RTN1: variants seen among roughly 807,000 people sequenced by gnomAD.
RTN1 encodes the protein reticulon 1, also known as reticulon-1.
In RTN1, 25 loss-of-function variants were observed where a neutral mutation model predicts 65.5. The observed-to-expected ratio is 0.38, with a 90% CI of 0.28 to 0.53. The LOEUF is 0.53. Among genes scored for constraint, RTN1 ranks in the 20% least tolerant of loss-of-function variants. RTN1 has a pLI of 0.79. For synonymous variants in RTN1, 471 were observed against 447.6 expected (o/e 1.05, Z -0.66); for missense variants, 983 against 1,025.4 (o/e 0.96, Z 0.57).
intron 1 of RTN1, among the ~76,000 whole-genome samples, chr14:59,798,505 C>T (rs992682351): frequency 1.3e-4 from 20 of 152,130 alleles, no homozygotes; most frequent in African/African-American, 4.6e-4. Context: ...GAAAAAGTAG[C>T]TGCCTACATT....
rs79831293 is a variant in RTN1, at chr14:59,626,095, C to T, written c.1766-18603G>A. ...GATTTTCATAAAAGGTGATATTAGT[C>T]TGCCTTTATGTATATGTGTAAAATG... On this transcript the variant is annotated intron_variant, in intron 3 of 8. Coordinates refer to ENST00000267484, the MANE Select transcript of RTN1 (RefSeq NM_021136.3). Among the ~76,000 whole-genome samples the T allele has an allele frequency of 4.1e-3, 621 of 152,216 alleles. 2 individuals carry two copies. Among genetic ancestry groups the T allele is most frequent in the African/African-American group, 0.014 (592 of 41,528 alleles).
At chr14:59,797,165 G>C (rs1886455566) in intron 1 of RTN1, among the ~76,000 whole-genome samples, 1 of 152,130 alleles carries the variant, frequency 6.6e-6, no homozygotes, top group African/African-American at 2.4e-5. Context: ...AGCAGTTTGA[G>C]CTTCTTATTC....
At chr14:59,862,586 T>C (rs943516496) in intron 1 of RTN1, among the ~76,000 whole-genome samples, 2 of 152,206 alleles carry the variant, frequency 1.3e-5, no homozygotes, top group Non-Finnish European at 2.9e-5. Flanking sequence ...CTATGCTTCA[T>C]TCCTCCTCAG....
intron 3 of RTN1, among the ~76,000 whole-genome samples, chr14:59,684,980 T>C (rs1004218742): frequency 4.6e-5 from 7 of 152,162 alleles, no homozygotes; most frequent in Admixed American, 2.0e-4. Flanking sequence ...CTTTATCCCA[T>C]GATCAAGTGG....
chr14:59,816,752 G>A lies in RTN1; in HGVS notation c.241+53638C>T, dbSNP rs1197098273. Among the ~76,000 whole-genome samples the A allele has an allele frequency of 6.6e-6, 1 of 152,042 alleles. No homozygotes were observed. Among genetic ancestry groups the A allele is most frequent in the African/African-American group, 2.4e-5 (1 of 41,388 alleles). ...AGTTCAAGGTCAGCCTGGGCAACAT[G>A]GCAAAATCCCACCTCTACAAAAAAT... On this transcript the variant is annotated intron_variant, in intron 1 of 8. Transcript: ENST00000267484. This position sits in a 1 kb window ranked among gnomAD's most constrained non-coding sequence, Gnocchi z 4.3.
At position 59,849,871 on chromosome 14, in the gene RTN1, T is replaced by A. The variant is rs1361697636; in HGVS notation, c.241+20519A>T. ...TTCTTCATAAATCCATTCCTTTTTT[T>A]ACTTTTGCTTCCTCAAAGGGCTTCC... On this transcript the variant is annotated intron_variant, in intron 1 of 8. Coordinates refer to ENST00000267484, the MANE Select transcript of RTN1 (RefSeq NM_021136.3). The surrounding 1 kb of genome is among the most constrained non-coding windows in gnomAD (Gnocchi z 4.5). Among the ~76,000 whole-genome samples the A allele has an allele frequency of 6.6e-6, 1 of 152,242 alleles. No homozygotes were observed. Among genetic ancestry groups the A allele is most frequent in the Non-Finnish European group, 1.5e-5 (1 of 68,044 alleles).
rs1297481347 is a variant in RTN1, at chr14:59,766,129, C to T, written c.242-19648G>A. On this transcript the variant is annotated intron_variant, in intron 1 of 8. Coordinates refer to ENST00000267484, the MANE Select transcript of RTN1 (RefSeq NM_021136.3). This position sits in a 1 kb window ranked among gnomAD's most constrained non-coding sequence, Gnocchi z 4.4. Reference sequence around the variant, plus strand: ...CTTGTAGTCCCAGCTACTTGGGAGGCTGAGGCAGGACTATTGCTTGAACCC... The same window carrying T: ...CTTGTAGTCCCAGCTACTTGGGAGGTTGAGGCAGGACTATTGCTTGAACCC... Among the ~76,000 whole-genome samples the T allele has an allele frequency of 1.3e-5, 2 of 152,038 alleles. No individual in the cohort carries two copies. The highest frequency in any genetic ancestry group is 3.9e-4 in the East Asian group (2 of 5,172).
rs1428197618 is a variant in RTN1 at position 59,689,250 on chromosome 14, C to T, written c.1765+37669G>A. ...GACCAGTCTTTTTAACTAACACAGT[C>T]AGACAAAAATAAAAAAGGTAATTTT... On this transcript the variant is annotated intron_variant, in intron 3 of 8. Coordinates refer to ENST00000267484, the MANE Select transcript of RTN1 (RefSeq NM_021136.3). 2.6e-5 allele frequency among the ~76,000 whole-genome samples: 4 copies of T among 152,118 alleles called. 1 individual carries two copies. In the East Asian group the frequency reaches 7.7e-4, roughly 29 times the overall value.
chr14:59,847,161 G>A (rs1163320382), intron 1 of RTN1, among the ~76,000 whole-genome samples: 2 of 152,122 alleles, frequency 1.3e-5, no homozygotes. Context: ...TGTAGATCAT[G>A]TACATACTTC....
intron 3 of RTN1, among the ~76,000 whole-genome samples, chr14:59,639,523 CT>C (rs1458257106): frequency 6.6e-6 from 1 of 152,104 alleles, no homozygotes; most frequent in Non-Finnish European, 1.5e-5. Flanking sequence ...GTACTTTTAT[CT>C]CTTTTACCTT....
chr14:59,762,069 GTGTGC>G (rs1289068967), intron 1 of RTN1, among the ~76,000 whole-genome samples: 1 of 152,210 alleles, frequency 6.6e-6, no homozygotes, highest in Non-Finnish European at 1.5e-5. Flanking sequence ...AGTAGGGTGT[GTGTGC>G]TGTGCTGTGG....
intron 3 of RTN1, among the ~76,000 whole-genome samples, chr14:59,720,249 T>C (rs542477162): frequency 8.2e-6 from 1 of 122,042 alleles, no homozygotes; most frequent in South Asian, 2.3e-4. Context: ...GAAGCCACCA[T>C]TTTAAAAAAA....
At chr14:59,607,946 G>A (rs1009853400) in intron 3 of RTN1, among the ~76,000 whole-genome samples, 30 of 151,192 alleles carry the variant, frequency 2.0e-4, no homozygotes, top group African/African-American at 7.0e-4. Flanking sequence ...CTGACATGTG[G>A]ACTAAACCAT....
intron 1 of RTN1, among the ~76,000 whole-genome samples, chr14:59,840,721 T>C (rs963847586): frequency 6.6e-6 from 1 of 152,232 alleles, no homozygotes; most frequent in African/African-American, 2.4e-5. Context: ...GGATGTGCCC[T>C]TTTGGGGAAC....
At position 59,816,826 on chromosome 14, in the gene RTN1, G is replaced by A. The variant is rs373374111; in HGVS notation, c.241+53564C>T. The stretch of plus-strand genomic sequence containing the variant: ...CATGTGCCTGTGGTCCCAGCTACTC[G>A]GGAGGCTAAGGTGGGAGGATCACCT... On this transcript the variant is annotated intron_variant, in intron 1 of 8. Coordinates refer to ENST00000267484, the MANE Select transcript of RTN1 (RefSeq NM_021136.3). This position sits in a 1 kb window ranked among gnomAD's most constrained non-coding sequence, Gnocchi z 4.3. Among the ~76,000 whole-genome samples the A allele has an allele frequency of 5.9e-4, 90 of 152,206 alleles. 2 individuals carry two copies. In the South Asian group the frequency reaches 0.018, roughly 30 times the overall value.
intron 2 of RTN1, among the ~76,000 whole-genome samples, chr14:59,742,311 T>C (rs184079781): frequency 6.6e-6 from 1 of 152,350 alleles, no homozygotes; most frequent in African/African-American, 2.4e-5. Context: ...AGGACCATCA[T>C]AATATCCCTC....
intron 1 of RTN1, among the ~76,000 whole-genome samples, chr14:59,856,046 T>C (rs1194925261): frequency 6.6e-6 from 1 of 152,240 alleles, no homozygotes; most frequent in Admixed American, 6.5e-5. Context: ...CATTTCCTGC[T>C]TGTTGGCTTC....
rs963880588 is a variant in RTN1, at chr14:59,849,908, T to C, written c.241+20482A>G. Reference sequence around the variant, plus strand: ...CTCAAAGGGCTTCCCCCTCTCTGTGTACTTCTCTGTTAACTCTCTTTCCTG... The same window carrying C: ...CTCAAAGGGCTTCCCCCTCTCTGTGCACTTCTCTGTTAACTCTCTTTCCTG... On this transcript the variant is annotated intron_variant, in intron 1 of 8. Coordinates refer to ENST00000267484, the MANE Select transcript of RTN1 (RefSeq NM_021136.3). The surrounding 1 kb of genome is among the most constrained non-coding windows in gnomAD (Gnocchi z 4.5). 1.3e-5 allele frequency among the ~76,000 whole-genome samples: 2 copies of C among 152,182 alleles called. No individual in the cohort carries two copies. Among genetic ancestry groups the C allele is most frequent in the Non-Finnish European group, 2.9e-5 (2 of 68,038 alleles).
chr14:59,857,005 A>G (rs1019044616), intron 1 of RTN1, among the ~76,000 whole-genome samples: 4 of 152,214 alleles, frequency 2.6e-5, no homozygotes, highest in Non-Finnish European at 5.9e-5. Context: ...GATATTAGGT[A>G]CCAAAGCCAA....
Sources: allele counts gnomAD v4.1 joint callset (sites outside exome capture counted in the v4.1 genomes callset), GRCh38; gene constraint gnomAD v4.1.1; non-coding constraint Gnocchi (gnomAD v3.1); transcripts MANE v1.5; gene names NCBI Gene and HGNC (gene_info 2026-07-23, HGNC 2026-07-21).